Variants in IMMP2L observed in about 807,000 individuals in gnomAD.
IMMP2L encodes the protein mitochondrial inner membrane protease subunit 2.
A neutral mutation model predicts 19.3 loss-of-function variants in IMMP2L; 18 were observed. The ratio of observed to expected loss-of-function variants is 0.93; its 90% CI spans 0.64 to 1.38. IMMP2L has a LOEUF of 1.38. Ranked by LOEUF, IMMP2L falls within the 40% of genes most tolerant of loss-of-function variation. The pLI is 0.00. For synonymous variants in IMMP2L, 76 were observed against 73.0 expected, an observed-to-expected ratio of 1.04 and a Z score of -0.21; for missense variants, 233 against 218.2, an observed-to-expected ratio of 1.07 and a Z score of -0.43.
chr7:110,894,317 G>A (rs1811108945), intron 4 of IMMP2L, among the ~76,000 whole-genome samples: 1 of 152,148 alleles, frequency 6.6e-6, no homozygotes, highest in African/African-American at 2.4e-5. Flanking sequence ...TGGGACCTGT[G>A]TTTGGTTACA....
rs117650892 is a variant in IMMP2L, at chr7:111,304,040, G to A, written c.239+183198C>T. On this transcript the variant is annotated intron_variant, in intron 3 of 5. Coordinates refer to ENST00000405709, the MANE Select transcript of IMMP2L (RefSeq NM_032549.4). Reference sequence around the variant, plus strand: ...AAGTTTATTGCATCAGAAAGAAAATGAATTTCCATATACTGTTAATTTCAT... The same window carrying A: ...AAGTTTATTGCATCAGAAAGAAAATAAATTTCCATATACTGTTAATTTCAT... 3.0e-3 allele frequency among the ~76,000 whole-genome samples: 449 copies of A among 152,128 alleles called. 2 individuals are homozygous for A. Among genetic ancestry groups the A allele is most frequent in the Non-Finnish European group, 4.3e-3 (289 of 67,942 alleles).
chr7:110,687,286 T>A (rs975234310), intron 5 of IMMP2L, among the ~76,000 whole-genome samples: 2 of 152,086 alleles, frequency 1.3e-5, no homozygotes, highest in Non-Finnish European at 2.9e-5. Context: ...AAAAAATGAC[T>A]CTCTTCTACC....
Position 111,177,476 on chromosome 7 carries a change from C to T in IMMP2L, c.240-213911G>A, listed in dbSNP as rs568460954. On this transcript the variant is annotated intron_variant, in intron 3 of 5. Coordinates refer to ENST00000405709, the MANE Select transcript of IMMP2L (RefSeq NM_032549.4). Reference sequence around the variant, plus strand: ...GATTACAGGCATTAGCCATTGTGCCCGGGCTTCCCCACTTTTGAAAAATCG... The same window carrying T: ...GATTACAGGCATTAGCCATTGTGCCTGGGCTTCCCCACTTTTGAAAAATCG... Among the ~76,000 whole-genome samples the T allele has an allele frequency of 3.3e-5, 5 of 152,128 alleles. No individual in the cohort carries two copies. In the South Asian group the frequency reaches 1.0e-3, roughly 32 times the overall value.
Position 110,963,497 on chromosome 7 carries a change from T to C in IMMP2L, c.305+3A>G. 6.3e-7 allele frequency: 1 copy of C among 1,586,882 alleles called. No individual in the cohort carries two copies. Among genetic ancestry groups the C allele is most frequent in the Non-Finnish European group, 8.6e-7 (1 of 1,158,404 alleles). The stretch of plus-strand genomic sequence containing the variant: ...GAACTCAGAAACAACAGTAAATACT[T>C]ACCTGACAATATCTCCTTCAAGAGC... On this transcript the variant is annotated splice_donor_region_variant and intron_variant, in intron 4 of 5. Transcript: ENST00000405709.
At chr7:111,096,101 A>G (rs1215634793) in intron 3 of IMMP2L, among the ~76,000 whole-genome samples, 1 of 152,034 alleles carries the variant, frequency 6.6e-6, no homozygotes, top group Admixed American at 6.6e-5. Context: ...TATAAACACA[A>G]TAATTGTGAA....
At position 110,871,855 on chromosome 7, in the gene IMMP2L, C is replaced by A. The variant is rs534237108; in HGVS notation, c.408+14738G>T. ...CATACTAAATTTATCTAAACAAAGA[C>A]CTCAGAATTTAGTAGCACAGGATAA... On this transcript the variant is annotated intron_variant, in intron 5 of 5. Transcript: ENST00000405709. Among the ~76,000 whole-genome samples, 3 of 152,064 alleles carry A rather than the reference C, an allele frequency of 2.0e-5. No individual in the cohort carries two copies. The East Asian group carries it at 5.8e-4, about 29-fold the overall frequency.
intron 4 of IMMP2L, among the ~76,000 whole-genome samples, chr7:110,911,864 T>C (rs1233901754): frequency 6.6e-6 from 1 of 152,150 alleles, no homozygotes; most frequent in Non-Finnish European, 1.5e-5. Flanking sequence ...ATTTCAAGCA[T>C]TTGACGGGAC....
intron 4 of IMMP2L, among the ~76,000 whole-genome samples, chr7:110,938,973 C>T (rs944065304): frequency 6.6e-6 from 1 of 152,120 alleles, no homozygotes; most frequent in African/African-American, 2.4e-5. Context: ...CGGACCACTT[C>T]ACATATGAAC....
At chr7:111,138,609 G>A (rs214851) in intron 3 of IMMP2L, among the ~76,000 whole-genome samples, 14,939 of 152,124 alleles carry the variant, frequency 0.098, 1,740 homozygotes, top group African/African-American at 0.28. Context: ...GGTAAAACTT[G>A]TAAATAAAAC....
At chr7:110,925,942 A>T (rs1814803514) in intron 4 of IMMP2L, among the ~76,000 whole-genome samples, 1 of 152,082 alleles carries the variant, frequency 6.6e-6, no homozygotes, top group Admixed American at 6.6e-5. Flanking sequence ...CCCATACTTG[A>T]TCTTACTCAC....
chr7:111,086,520 T>G (rs545187154), intron 3 of IMMP2L, among the ~76,000 whole-genome samples: 1 of 152,268 alleles, frequency 6.6e-6, no homozygotes, highest in East Asian at 1.9e-4. Context: ...CAATTCTACT[T>G]TCCAAAACTC....
chr7:111,274,624 C>T (rs1210966968), intron 3 of IMMP2L, among the ~76,000 whole-genome samples: 3 of 152,152 alleles, frequency 2.0e-5, no homozygotes, highest in Non-Finnish European at 2.9e-5. Flanking sequence ...TACTAAATTA[C>T]AATAGCAGCT....
In IMMP2L at chr7:110,870,326, C is replaced by T. The variant is rs1047956245; in HGVS notation, c.408+16267G>A. Among the ~76,000 whole-genome samples, 5 of 152,136 alleles carry T rather than the reference C, an allele frequency of 3.3e-5. No homozygotes were observed. The highest frequency in any genetic ancestry group is 1.9e-4 in the East Asian group (1 of 5,156). On this transcript the variant is annotated intron_variant, in intron 5 of 5. Coordinates refer to ENST00000405709, the MANE Select transcript of IMMP2L (RefSeq NM_032549.4). This position sits in a 1 kb window ranked among gnomAD's most constrained non-coding sequence, Gnocchi z 4.2. ...TTCTTATTTCTGAACCAGAAGGCATCGCGAGTGCTAAACTCACTCACAGAA... is the reference window on the plus strand; with the variant it reads ...TTCTTATTTCTGAACCAGAAGGCATTGCGAGTGCTAAACTCACTCACAGAA...
intron 2 of IMMP2L, among the ~76,000 whole-genome samples, chr7:111,501,903 A>T (rs1036856213): frequency 1.4e-4 from 22 of 152,292 alleles, no homozygotes; most frequent in South Asian, 4.2e-4. Context: ...GCTAGGAAGA[A>T]ACTGCATCAA....
chr7:110,772,472 C>T (rs1392944737), intron 5 of IMMP2L, among the ~76,000 whole-genome samples: 2 of 152,100 alleles, frequency 1.3e-5, no homozygotes, highest in South Asian at 2.1e-4. Flanking sequence ...GGGACTCTGT[C>T]GTATCATAGC....
intron 3 of IMMP2L, among the ~76,000 whole-genome samples, chr7:111,104,324 C>T (rs1323589034): frequency 6.6e-6 from 1 of 151,674 alleles, no homozygotes; most frequent in Non-Finnish European, 1.5e-5. Flanking sequence ...TTCTGTAATC[C>T]ACAGTTCAAA....
chr7:111,389,427 T>A (rs1241467987), intron 3 of IMMP2L, among the ~76,000 whole-genome samples: 1 of 152,044 alleles, frequency 6.6e-6, no homozygotes, highest in Non-Finnish European at 1.5e-5. Flanking sequence ...GTTTCCTATT[T>A]TGGTGGTTAT....
chr7:111,447,972 T>TA (rs1838689604), intron 3 of IMMP2L, among the ~76,000 whole-genome samples: 1 of 142,112 alleles, frequency 7.0e-6, no homozygotes, highest in Non-Finnish European at 1.5e-5. Flanking sequence ...GGCCATTACA[T>TA]AATGGTAAAG....
At chr7:111,314,265 A>G (rs1236512785) in intron 3 of IMMP2L, among the ~76,000 whole-genome samples, 1 of 152,126 alleles carries the variant, frequency 6.6e-6, no homozygotes, top group Non-Finnish European at 1.5e-5. Context: ...AATATTTCAG[A>G]TCAGAAAAAC....
Sources: gnomAD v4.1 joint callset for allele counts (sites outside exome capture counted in the v4.1 genomes callset) on GRCh38, gnomAD v4.1.1 for gene constraint, Gnocchi (gnomAD v3.1) non-coding constraint, MANE v1.5 for transcripts, NCBI Gene and HGNC (gene_info 2026-07-23, HGNC 2026-07-21) for gene names.